The following DMD variants were observed in gnomAD, a reference collection of about 807,000 sequenced individuals.
The protein encoded by DMD is mutant dystrophin.
A neutral mutation model predicts 330.1 loss-of-function variants in DMD; 63 were observed. The observed-to-expected ratio is 0.19, with a 90% CI of 0.16 to 0.24. DMD has a LOEUF of 0.24. Among genes scored for constraint, DMD ranks in the 10% least tolerant of loss-of-function variants. The pLI, the probability that DMD is intolerant of heterozygous loss-of-function variation, is 1.00. For missense variants in DMD, 3,344 were observed against 2,684.1 expected (o/e 1.25, Z -5.43); for synonymous variants, 1,223 against 959.8 (o/e 1.27, Z -5.07).
intron 34 of DMD, among the ~76,000 whole-genome samples, chrX:32,370,875 A>C (rs2097873904): frequency 9.0e-6 from 1 of 111,235 alleles, no homozygotes; most frequent in Non-Finnish European, 1.9e-5. Context: ...TATATACAAG[A>C]CATGGTTGAC....
chrX:31,128,340 A>C (rs978254332), intron 77 of DMD, among the ~76,000 whole-genome samples: 3 of 111,359 alleles, frequency 2.7e-5, no homozygotes, highest in Non-Finnish European at 5.7e-5. Flanking sequence ...ATACTGGCTG[A>C]AGTGAATTGG....
At chrX:32,173,004 T>C (rs1370464781) in intron 44 of DMD, among the ~76,000 whole-genome samples, 1 of 109,722 alleles carries the variant, frequency 9.1e-6, no homozygotes, top group African/African-American at 3.3e-5. Flanking sequence ...TTAAGGACAT[T>C]AACTGCTCAA....
rs1051108744 is a variant in DMD at position 31,712,206 on chromosome X, C to G, written c.7660+17425G>C. ...AAAAAATGTATGCACAGTTGTGGGTCCAATCACGACATTTTGATGGGATAG... is the reference window on the plus strand; with the variant it reads ...AAAAAATGTATGCACAGTTGTGGGTGCAATCACGACATTTTGATGGGATAG... On this transcript the variant is annotated intron_variant, in intron 52 of 78. Transcript: ENST00000357033. 7.2e-5 allele frequency among the ~76,000 whole-genome samples: 8 copies of G among 111,722 alleles called. No individual in the cohort carries two copies. The Admixed American group carries it at 7.6e-4, about 11-fold the overall frequency.
intron 54 of DMD, among the ~76,000 whole-genome samples, chrX:31,628,941 TAA>T (rs1556765601): frequency 2.0e-5 from 2 of 102,211 alleles, no homozygotes; most frequent in Non-Finnish European, 4.0e-5. Flanking sequence ...TATATATATA[TAA>T]AATGCATGTA....
chrX:33,041,770 T>C, intron 1 of DMD: 1 of 1,109,937 alleles, frequency 9.0e-7, no homozygotes, highest in Non-Finnish European at 1.2e-6. Context: ...GGGGTCCATT[T>C]TACAATCCAT....
intron 55 of DMD, among the ~76,000 whole-genome samples, chrX:31,593,919 A>C (rs1486398876): frequency 9.0e-6 from 1 of 111,692 alleles, no homozygotes; most frequent in Non-Finnish European, 1.9e-5. Context: ...TTATATTATC[A>C]ACATTTCATA....
intron 62 of DMD, among the ~76,000 whole-genome samples, chrX:31,314,742 C>CAGAGACAGAGAGAGAGAGAGAGAG (rs769013334): frequency 3.6e-5 from 2 of 55,283 alleles, no homozygotes; most frequent in African/African-American, 1.7e-4. Context: ...AATACATACA[C>CAGAGACAGAGAGAGAGAGAGAGAG]AGAGAGAGAG....
rs112125924 is a variant in DMD, at chrX:31,757,743, T to C, written c.7542+16217A>G. 3.6e-3 allele frequency among the ~76,000 whole-genome samples: 398 copies of C among 109,772 alleles called. 1 individual carries two copies. The highest frequency in any genetic ancestry group is 0.012 in the African/African-American group (375 of 30,193). On this transcript the variant is annotated intron_variant, in intron 51 of 78. Transcript: ENST00000357033. ...CCTTCTAATACCATCACCTTGAGTG[T>C]TAGGTTTCAACATACACATTTTGGA...
intron 60 of DMD, among the ~76,000 whole-genome samples, chrX:31,362,165 T>C (rs2058972689): frequency 8.9e-6 from 1 of 112,645 alleles, no homozygotes; most frequent in African/African-American, 3.2e-5. Flanking sequence ...GTTGTTTAGA[T>C]AAAAACTGTG....
intron 44 of DMD, among the ~76,000 whole-genome samples, chrX:32,188,628 G>T (rs181606985): frequency 2.4e-4 from 26 of 108,223 alleles, no homozygotes; most frequent in African/African-American, 8.0e-4. Flanking sequence ...CCTTATGCCA[G>T]CACACTGTGG....
rs79171547 is a variant in DMD at position 31,384,309 on chromosome X, CACTACTACTACTACTACT to C, written c.9085-35693_9085-35676del. 5.5e-3 allele frequency among the ~76,000 whole-genome samples: 499 copies of C among 91,310 alleles called. 4 individuals are homozygous for C. Among genetic ancestry groups the C allele is most frequent in the Non-Finnish European group, 8.7e-3 (382 of 43,741 alleles). 79.3% of individuals were successfully genotyped at this position (91,310 alleles called of 115,157 possible). A position where few individuals can be genotyped will look rare whatever the true frequency, so the allele number is the denominator to read the frequency against. On this transcript the variant is annotated intron_variant, in intron 60 of 78. Coordinates refer to ENST00000357033, the MANE Select transcript of DMD (RefSeq NM_004006.3). ...AGGGGATCAGGGTAATATCCTGCTT[CACTACTACTACTACTACT>C]ACTACTACTACTACTACTACTACTA...
chrX:32,602,731 A>G lies in DMD; in HGVS notation c.1483-6855T>C, dbSNP rs115056184. On this transcript the variant is annotated intron_variant, in intron 12 of 78. Coordinates refer to ENST00000357033, the MANE Select transcript of DMD (RefSeq NM_004006.3). ...ACTCTATGTTTGAAGACTCATATGC[A>G]CACAGTCTCTGTACCTTCTATCTAG... 4.3e-3 allele frequency among the ~76,000 whole-genome samples: 484 copies of G among 111,453 alleles called. 3 individuals carry two copies. Among genetic ancestry groups the G allele is most frequent in the African/African-American group, 0.015 (455 of 30,761 alleles).
chrX:32,703,646 T>C (rs1257207643), intron 7 of DMD, among the ~76,000 whole-genome samples: 1 of 111,597 alleles, frequency 9.0e-6, no homozygotes, highest in African/African-American at 3.3e-5. Flanking sequence ...TCCTCATTTA[T>C]GATGACTGCA....
intron 1 of DMD, among the ~76,000 whole-genome samples, chrX:33,338,322 C>T (rs2054284906): frequency 9.0e-6 from 1 of 110,575 alleles, no homozygotes; most frequent in African/African-American, 3.3e-5. Context: ...ACTGTCCATG[C>T]TCATGCTCCA....
At chrX:31,658,419 T>A (rs768382951) in intron 53 of DMD, among the ~76,000 whole-genome samples, 1 of 112,136 alleles carries the variant, frequency 8.9e-6, no homozygotes, top group South Asian at 3.7e-4. Context: ...TGGGCTTAAT[T>A]GTTTTTATCA....
rs778314397 is a variant in DMD, at chrX:32,189,937, T to G, written c.6438+26979A>C. ...GGTACATGTGCACAACATGCAGGCT[T>G]GTTACATATGTATACATGTGTAATA... On this transcript the variant is annotated intron_variant, in intron 44 of 78. Coordinates refer to ENST00000357033, the MANE Select transcript of DMD (RefSeq NM_004006.3). Among the ~76,000 whole-genome samples, 205 of 111,357 alleles carry G rather than the reference T, an allele frequency of 1.8e-3. 3 individuals are homozygous for G. The highest frequency in any genetic ancestry group is 6.5e-3 in the African/African-American group (200 of 30,717).
chrX:31,883,307 G>A (rs770560639), intron 47 of DMD, among the ~76,000 whole-genome samples: 1 of 111,265 alleles, frequency 9.0e-6, no homozygotes, highest in African/African-American at 3.3e-5. Context: ...TTTGGGAGAG[G>A]GTGGTGGCAG....
At chrX:32,441,417 A>G in intron 27 of DMD, 103 bp from the exon 28 acceptor site, 1 of 816,529 alleles carries the variant, frequency 1.2e-6, no homozygotes, top group South Asian at 2.3e-5. Context: ...AACACTTTGT[A>G]TTTTTCACCT....
At chrX:32,193,613 C>T (rs1045209223) in intron 44 of DMD, among the ~76,000 whole-genome samples, 3 of 110,981 alleles carry the variant, frequency 2.7e-5, no homozygotes, top group Non-Finnish European at 5.7e-5. Context: ...TAGAATGTTT[C>T]CCCCAAAAAG....
Sources: allele counts gnomAD v4.1 joint callset (sites outside exome capture counted in the v4.1 genomes callset), GRCh38; gene constraint gnomAD v4.1.1; transcripts MANE v1.5; gene names NCBI Gene and HGNC (gene_info 2026-07-23, HGNC 2026-07-21).